The following CDH8 variants were observed in gnomAD, a reference collection of about 807,000 sequenced individuals.
The protein encoded by CDH8 is cadherin-8.
Under a neutral mutation model 68.1 loss-of-function variants are expected in CDH8, and 17 were observed. The ratio of observed to expected loss-of-function variants is 0.25; its 90% CI spans 0.17 to 0.37. The LOEUF (loss-of-function observed/expected upper bound fraction) is 0.37, where lower values mean the gene tolerates loss of function less well. Among genes scored for constraint, CDH8 ranks in the 10% least tolerant of loss-of-function variants. The pLI is 1.00. For synonymous variants in CDH8, 372 were observed against 365.1 expected (o/e 1.02, Z -0.21); for missense variants, 763 against 999.3 (o/e 0.76, Z 3.19).
At chr16:61,866,808 G>T (rs1963263517) in intron 3 of CDH8, among the ~76,000 whole-genome samples, 1 of 152,104 alleles carries the variant, frequency 6.6e-6, no homozygotes, top group South Asian at 2.1e-4. Flanking sequence ...GTATTCTCCA[G>T]GTGAGAGAAT....
chr16:61,753,006 T>C (rs1264772293), intron 8 of CDH8, among the ~76,000 whole-genome samples: 1 of 152,110 alleles, frequency 6.6e-6, no homozygotes, highest in Non-Finnish European at 1.5e-5. Context: ...CGACAAGATA[T>C]TTAAGGCAAC....
At chr16:61,758,255 C>T (rs757632633) in intron 8 of CDH8, among the ~76,000 whole-genome samples, 1 of 151,950 alleles carries the variant, frequency 6.6e-6, no homozygotes, top group Non-Finnish European at 1.5e-5. Context: ...AAAGAAAATG[C>T]CCCTAGTGAA....
At chr16:61,901,772 T>A in intron 2 of CDH8, among the ~76,000 whole-genome samples, 1 of 152,226 alleles carries the variant, frequency 6.6e-6, no homozygotes, top group Non-Finnish European at 1.5e-5. Flanking sequence ...TATGTGTTAT[T>A]TTCCATTTAT....
intron 3 of CDH8, among the ~76,000 whole-genome samples, chr16:61,883,927 A>G (rs143991339): frequency 7.9e-5 from 12 of 151,816 alleles, no homozygotes; most frequent in African/African-American, 2.9e-4. Context: ...ACATGAAACA[A>G]GATAAGAAGC....
At chr16:61,993,970 T>C (rs966526801) in intron 2 of CDH8, among the ~76,000 whole-genome samples, 1 of 152,200 alleles carries the variant, frequency 6.6e-6, no homozygotes, top group African/African-American at 2.4e-5. Context: ...GTAATCCCAT[T>C]ACTTCTTTAT....
intron 9 of CDH8, among the ~76,000 whole-genome samples, chr16:61,718,102 G>A (rs1011678540): frequency 1.3e-4 from 19 of 151,314 alleles, no homozygotes; most frequent in Non-Finnish European, 2.4e-4. Flanking sequence ...TATGCCAGGC[G>A]TCCTCAAAAC....
At chr16:61,872,052 T>C (rs1010610334) in intron 3 of CDH8, among the ~76,000 whole-genome samples, 1 of 152,132 alleles carries the variant, frequency 6.6e-6, no homozygotes, top group African/African-American at 2.4e-5. Flanking sequence ...TCTCTGGGCC[T>C]GACTCAATGG....
chr16:61,959,461 G>T (rs1965041971), intron 2 of CDH8, among the ~76,000 whole-genome samples: 1 of 151,630 alleles, frequency 6.6e-6, no homozygotes, highest in Admixed American at 6.6e-5. Flanking sequence ...GGGCCCCTTG[G>T]GGTAACAGAC....
At chr16:61,859,997 C>A (rs1256256546) in intron 3 of CDH8, among the ~76,000 whole-genome samples, 1 of 152,086 alleles carries the variant, frequency 6.6e-6, no homozygotes, top group African/African-American at 2.4e-5. Flanking sequence ...GTGTGCTCCA[C>A]CATGCCCAGC....
intron 4 of CDH8, among the ~76,000 whole-genome samples, chr16:61,849,667 C>T (rs1027074629): frequency 6.6e-6 from 1 of 152,284 alleles, no homozygotes; most frequent in Non-Finnish European, 1.5e-5. Context: ...TATGATGTAA[C>T]TTTCCCAGCA....
chr16:61,832,248 G>T (rs1188032972), intron 4 of CDH8, among the ~76,000 whole-genome samples: 2 of 151,514 alleles, frequency 1.3e-5, no homozygotes, highest in Admixed American at 6.6e-5. Flanking sequence ...AAGGCTCAAA[G>T]AAAACAGCAC....
At chr16:61,674,748 G>T (rs1431710407) in intron 10 of CDH8, among the ~76,000 whole-genome samples, 1 of 151,872 alleles carries the variant, frequency 6.6e-6, no homozygotes, top group Admixed American at 6.6e-5. Flanking sequence ...TAAAGAAAAA[G>T]AAAACAATAA....
At chr16:61,753,531 C>G (rs1442407243) in intron 8 of CDH8, among the ~76,000 whole-genome samples, 1 of 152,144 alleles carries the variant, frequency 6.6e-6, no homozygotes, top group Non-Finnish European at 1.5e-5. Flanking sequence ...TGAGCCACCA[C>G]ACACAGCTGA....
chr16:61,699,984 T>A (rs1964392634), intron 10 of CDH8, among the ~76,000 whole-genome samples: 1 of 152,212 alleles, frequency 6.6e-6, no homozygotes, highest in Non-Finnish European at 1.5e-5. Flanking sequence ...CTCTAAGATA[T>A]ATATATTTTA....
intron 2 of CDH8, among the ~76,000 whole-genome samples, chr16:61,943,913 C>G (rs1173603307): frequency 1.3e-5 from 2 of 152,086 alleles, no homozygotes; most frequent in Non-Finnish European, 2.9e-5. Flanking sequence ...GGCATAGTGT[C>G]AACAAAAGAA....
chr16:62,005,233 C>A (rs1327091302), intron 2 of CDH8, among the ~76,000 whole-genome samples: 1 of 152,174 alleles, frequency 6.6e-6, no homozygotes, highest in Non-Finnish European at 1.5e-5. Flanking sequence ...CCAAGCCTAG[C>A]GAAGTATTCC....
At chr16:61,981,843 G>A (rs529441801) in intron 2 of CDH8, among the ~76,000 whole-genome samples, 2 of 152,102 alleles carry the variant, frequency 1.3e-5, no homozygotes, top group South Asian at 4.1e-4. Context: ...AAATGGTCTT[G>A]TCTGTGTTAT....
intron 2 of CDH8, among the ~76,000 whole-genome samples, chr16:61,938,140 T>C (rs1282826185): frequency 6.6e-6 from 1 of 152,094 alleles, no homozygotes; most frequent in Non-Finnish European, 1.5e-5. Context: ...CCAAATCATA[T>C]ATAAAATGAT....
rs1185703652 is a variant in CDH8 at position 61,940,398 on chromosome 16, C to CTTTTTTTTTTTTTTTTTTTTTTT, written c.253-38926_253-38925insAAAAAAAAAAAAAAAAAAAAAAA. ...GAGCTATGGTAATGAACTACTTGAT[C>CTTTTTTTTTTTTTTTTTTTTTTT]TTTTTTTTTTTTTTTTTTTGAGACG... On this transcript the variant is annotated intron_variant, in intron 2 of 11. Transcript: ENST00000577390. 1.9e-3 allele frequency: 219 copies of CTTTTTTTTTTTTTTTTTTTTTTT among 116,280 alleles called. 24 individuals carry two copies. The highest frequency in any genetic ancestry group is 5.3e-3 in the African/African-American group (142 of 26,880). The allele number at this position is 116,280 out of a possible 1,614,324, so 7.2% of individuals were successfully genotyped here.
Sources: allele counts gnomAD v4.1 joint callset (sites outside exome capture counted in the v4.1 genomes callset), GRCh38; gene constraint gnomAD v4.1.1; transcripts MANE v1.5; gene names NCBI Gene and HGNC (gene_info 2026-07-23, HGNC 2026-07-21).